Variants in CCDC192 observed in about 807,000 individuals in gnomAD.
The protein encoded by CCDC192 is coiled-coil domain containing 192, also known as coiled-coil domain-containing protein 192.
chr5:127,793,580 C>G (rs898488469), intron 3 of CCDC192, among the ~76,000 whole-genome samples: 3 of 152,104 alleles, frequency 2.0e-5, no homozygotes, highest in Non-Finnish European at 4.4e-5. Context: ...TTCTTTTTAG[C>G]TTTGGAATCT....
intron 5 of CCDC192, among the ~76,000 whole-genome samples, chr5:127,846,030 C>G (rs920115216): frequency 2.6e-5 from 4 of 152,086 alleles, no homozygotes; most frequent in Non-Finnish European, 5.9e-5. Context: ...GTGGCTCACT[C>G]CTGTAATCCC....
At position 127,941,003 on chromosome 5, in the gene CCDC192, C is replaced by T. The variant is rs115062513; in HGVS notation, c.536-179C>T. 2,907 of 392,288 alleles carry T rather than the reference C, an allele frequency of 7.4e-3. 21 individuals carry two copies. The highest frequency in any genetic ancestry group is 0.019 in the Middle Eastern group (30 of 1,560). The allele number at this position is 392,288 out of a possible 1,614,324, so 24.3% of individuals were successfully genotyped here. ...TGTTTTGTTTCTTTTTTCATGAGCA[C>T]CCAGAATCTTTCCTCTCACTGGATC... is the stretch of plus-strand genomic sequence containing the variant. On this transcript the variant is annotated intron_variant, in intron 6 of 6. Coordinates refer to ENST00000514853, the MANE Select transcript of CCDC192 (RefSeq NM_001317938.2).
At chr5:127,719,234 C>A (rs1047578661) in intron 2 of CCDC192, among the ~76,000 whole-genome samples, 1 of 151,936 alleles carries the variant, frequency 6.6e-6, no homozygotes, top group Non-Finnish European at 1.5e-5. Context: ...GGATATCGTT[C>A]TTTTATATGG....
At chr5:127,741,039 GA>G (rs1309728899) in intron 2 of CCDC192, among the ~76,000 whole-genome samples, 2 of 152,088 alleles carry the variant, frequency 1.3e-5, no homozygotes, top group East Asian at 3.8e-4. Flanking sequence ...AAAACAAATA[GA>G]TTTTTTTTTA....
chr5:127,775,214 T>G (rs560940439), intron 3 of CCDC192, among the ~76,000 whole-genome samples: 17 of 152,242 alleles, frequency 1.1e-4, no homozygotes, highest in African/African-American at 3.6e-4. Context: ...ATATGGAAAG[T>G]AAACAGTCCA....
intron 2 of CCDC192, among the ~76,000 whole-genome samples, chr5:127,752,578 C>A (rs964667820): frequency 8.5e-5 from 13 of 152,210 alleles, no homozygotes; most frequent in African/African-American, 2.9e-4. Flanking sequence ...TTGTCTGTGC[C>A]CTGCCCCCAG....
chr5:127,933,170 C>T (rs946855628), intron 6 of CCDC192, among the ~76,000 whole-genome samples: 7 of 152,130 alleles, frequency 4.6e-5, no homozygotes, highest in African/African-American at 9.7e-5. Flanking sequence ...TACGTGCTAT[C>T]GAAGTAAAGA....
intron 6 of CCDC192, among the ~76,000 whole-genome samples, chr5:127,911,241 A>T (rs928404083): frequency 3.3e-5 from 5 of 152,234 alleles, no homozygotes; most frequent in Admixed American, 2.6e-4. Context: ...CCCAGGGGAC[A>T]TGAAGACAGG....
At chr5:127,778,351 T>A (rs530027207) in intron 3 of CCDC192, among the ~76,000 whole-genome samples, 2 of 152,186 alleles carry the variant, frequency 1.3e-5, no homozygotes, top group Non-Finnish European at 2.9e-5. Flanking sequence ...TTTTGTCAAT[T>A]TTTTTGCATC....
At chr5:127,937,385 G>A (rs1201499923) in intron 6 of CCDC192, among the ~76,000 whole-genome samples, 2 of 152,050 alleles carry the variant, frequency 1.3e-5, no homozygotes, top group East Asian at 3.9e-4. Flanking sequence ...TGGGGCCTGT[G>A]GGAAATAATT....
chr5:127,827,427 AAAAG>A (rs1749582494), intron 5 of CCDC192, among the ~76,000 whole-genome samples: 1 of 152,224 alleles, frequency 6.6e-6, no homozygotes, highest in Non-Finnish European at 1.5e-5. Context: ...GCCTGAAAGA[AAAAG>A]AACAGATCCC....
intron 2 of CCDC192, among the ~76,000 whole-genome samples, chr5:127,749,612 A>T (rs1375349072): frequency 2.6e-5 from 4 of 152,012 alleles, no homozygotes; most frequent in African/African-American, 9.7e-5. Flanking sequence ...TGGTATCAGA[A>T]TGATGCTGGC....
intron 6 of CCDC192, among the ~76,000 whole-genome samples, chr5:127,933,662 G>A (rs1247541369): frequency 1.3e-5 from 2 of 152,182 alleles, no homozygotes; most frequent in East Asian, 1.9e-4. Context: ...GACTGGTGGA[G>A]TACTAGGGTC....
chr5:127,919,597 A>C (rs1753649196), intron 6 of CCDC192, among the ~76,000 whole-genome samples: 1 of 152,144 alleles, frequency 6.6e-6, no homozygotes, highest in Non-Finnish European at 1.5e-5. Flanking sequence ...CACTATCTGC[A>C]GTTGTGCAAC....
chr5:127,703,855 C>G (rs1422579190), intron 1 of CCDC192, among the ~76,000 whole-genome samples: 1 of 152,160 alleles, frequency 6.6e-6, no homozygotes, highest in African/African-American at 2.4e-5. Context: ...AAGGAAATGT[C>G]ATCTTCACTA....
At chr5:127,817,834 G>GA (rs1749096107) in intron 5 of CCDC192, among the ~76,000 whole-genome samples, 1 of 152,114 alleles carries the variant, frequency 6.6e-6, no homozygotes, top group African/African-American at 2.4e-5. Context: ...GCATATCTAG[G>GA]ATGAGGGCTG....
intron 3 of CCDC192, chr5:127,786,114 A>G (rs1756523545): frequency 2.0e-6 from 2 of 1,025,394 alleles, no homozygotes; most frequent in Non-Finnish European, 3.0e-6. Context: ...TTTTGTCAGC[A>G]TCCAATAAAT....
At chr5:127,824,051 G>C (rs555337677) in intron 5 of CCDC192, among the ~76,000 whole-genome samples, 12 of 152,234 alleles carry the variant, frequency 7.9e-5, no homozygotes, top group African/African-American at 2.2e-4. Context: ...GAAGAAATGA[G>C]AGCAAACTAA....
At chr5:127,850,871 C>T (rs1225945096) in intron 5 of CCDC192, among the ~76,000 whole-genome samples, 1 of 152,198 alleles carries the variant, frequency 6.6e-6, no homozygotes, top group Non-Finnish European at 1.5e-5. Context: ...GAGGCTGAGG[C>T]AGAAGAATCG....
Sources: allele counts gnomAD v4.1 joint callset (sites outside exome capture counted in the v4.1 genomes callset), GRCh38; gene constraint gnomAD v4.1.1; transcripts MANE v1.5; gene names NCBI Gene and HGNC (gene_info 2026-07-23, HGNC 2026-07-21).